NOL4: variants seen among roughly 807,000 people sequenced by gnomAD.
The protein encoded by NOL4 is nucleolar protein 4.
Under a neutral mutation model 75.9 loss-of-function variants are expected in NOL4, and 17 were observed. That is an observed-to-expected ratio of 0.22 (90% CI 0.15 to 0.34). NOL4 has a LOEUF of 0.34. Among genes scored for constraint, NOL4 ranks in the 10% least tolerant of loss-of-function variants. The pLI, the probability that NOL4 is intolerant of heterozygous loss-of-function variation, is 1.00. For synonymous variants in NOL4, 292 were observed against 289.9 expected (o/e 1.01, Z -0.07); for missense variants, 614 against 793.5 (o/e 0.77, Z 2.72).
At chr18:33,968,222 G>A (rs772711668) in intron 6 of NOL4, among the ~76,000 whole-genome samples, 1 of 152,216 alleles carries the variant, frequency 6.6e-6, no homozygotes, top group Non-Finnish European at 1.5e-5. Context: ...AAGCAGTTTG[G>A]TGATTTCTCA....
chr18:33,892,683 G>A (rs1435629178), intron 9 of NOL4, among the ~76,000 whole-genome samples: 1 of 150,580 alleles, frequency 6.6e-6, no homozygotes, highest in Admixed American at 6.6e-5. Flanking sequence ...TTTGAGATGG[G>A]GTCTTGCTCT....
rs1470830 is a variant in NOL4, at chr18:33,943,175, G to T, written c.1432C>A (p.Arg478=). ...RMKRSGFEMS[R]PIPSHLTSAV... is the part of the protein sequence containing the mutation. ...GAAGTAAGGTGGGAAGGAATAGGTC[G>T]AGACTAAAAAAAAAAAGAGAAAAGT... Residue 478 remains arginine (R), a synonymous_variant, in exon 9 of 11, where the codon CGA becomes AGA. Transcript: ENST00000261592. 6.3e-7 allele frequency: 1 copy of T among 1,597,386 alleles called. No individual in the cohort carries two copies. Among genetic ancestry groups the T allele is most frequent in the Non-Finnish European group, 8.5e-7 (1 of 1,171,724 alleles).
At chr18:34,083,886 G>C (rs2078123881) in intron 5 of NOL4, among the ~76,000 whole-genome samples, 1 of 152,202 alleles carries the variant, frequency 6.6e-6, no homozygotes, top group Non-Finnish European at 1.5e-5. Context: ...GTTTCTTTCT[G>C]TGTGGTTTTC....
At chr18:34,003,319 T>C (rs981873158) in intron 6 of NOL4, among the ~76,000 whole-genome samples, 1 of 152,096 alleles carries the variant, frequency 6.6e-6, no homozygotes, top group Non-Finnish European at 1.5e-5. Context: ...TGAGCTTTTA[T>C]AGGGTAGCAA....
intron 5 of NOL4, among the ~76,000 whole-genome samples, chr18:34,045,267 A>G (rs1442847897): frequency 3.3e-5 from 5 of 152,214 alleles, no homozygotes; most frequent in African/African-American, 1.2e-4. Context: ...GAAATTCCAT[A>G]GATTATAGGC....
intron 2 of NOL4, among the ~76,000 whole-genome samples, chr18:34,111,257 G>A (rs2079574011): frequency 6.6e-6 from 1 of 152,090 alleles, no homozygotes. Flanking sequence ...ATAATAAAGG[G>A]TTAATTTCAA....
intron 5 of NOL4, among the ~76,000 whole-genome samples, chr18:34,037,364 A>T (rs1260442763): frequency 6.6e-6 from 1 of 152,062 alleles, no homozygotes; most frequent in Non-Finnish European, 1.5e-5. Context: ...TACAAATTCA[A>T]CACAATCCCT....
At chr18:34,080,752 T>A (rs1049468293) in intron 5 of NOL4, among the ~76,000 whole-genome samples, 1 of 152,188 alleles carries the variant, frequency 6.6e-6, no homozygotes, top group Non-Finnish European at 1.5e-5. Flanking sequence ...AGAAAACACA[T>A]GTTTAACTGG....
rs117333896 is a variant in NOL4, at chr18:33,954,384, G to A, written c.1428+2942C>T. Among the ~76,000 whole-genome samples, 39 of 152,132 alleles carry A rather than the reference G, an allele frequency of 2.6e-4. No individual in the cohort carries two copies. In the East Asian group the frequency reaches 6.6e-3, roughly 26 times the overall value. ...TACACAGTGGTGAGAACCATAGTCT[G>A]GATAATCTGAATGTAAGGGACTACT... On this transcript the variant is annotated intron_variant, in intron 8 of 10. Coordinates refer to ENST00000261592, the MANE Select transcript of NOL4 (RefSeq NM_003787.5).
intron 1 of NOL4, among the ~76,000 whole-genome samples, chr18:34,207,898 A>G (rs905210962): frequency 1.3e-5 from 2 of 152,160 alleles, no homozygotes; most frequent in South Asian, 2.1e-4. Flanking sequence ...CACTGCCACC[A>G]TCACATCAGC....
chr18:34,102,887 T>C (rs1311566830), intron 4 of NOL4, among the ~76,000 whole-genome samples: 1 of 152,036 alleles, frequency 6.6e-6, no homozygotes, highest in Non-Finnish European at 1.5e-5. Flanking sequence ...TTTATTACTA[T>C]TTATTCAATT....
chr18:34,021,770 A>G (rs965487283), intron 5 of NOL4, among the ~76,000 whole-genome samples: 1 of 152,174 alleles, frequency 6.6e-6, no homozygotes, highest in Non-Finnish European at 1.5e-5. Context: ...TGGTACGACT[A>G]GTAGTAATGG....
At chr18:34,177,833 A>G (rs974594684) in intron 1 of NOL4, among the ~76,000 whole-genome samples, 1 of 151,924 alleles carries the variant, frequency 6.6e-6, no homozygotes, top group African/African-American at 2.4e-5. Flanking sequence ...TGTCACTAGC[A>G]TACTTGAACT....
chr18:33,908,235 C>A (rs922827247), intron 9 of NOL4, among the ~76,000 whole-genome samples: 1 of 152,120 alleles, frequency 6.6e-6, no homozygotes, highest in African/African-American at 2.4e-5. Flanking sequence ...TTGAAAAATA[C>A]AATTAATGTC....
intron 9 of NOL4, among the ~76,000 whole-genome samples, chr18:33,901,719 A>G (rs1401418100): frequency 6.6e-6 from 1 of 152,100 alleles, no homozygotes; most frequent in African/African-American, 2.4e-5. Flanking sequence ...TACTAAAAGT[A>G]AGAATTCTAG....
intron 5 of NOL4, among the ~76,000 whole-genome samples, chr18:34,026,864 C>G (rs8083926): frequency 0.32 from 47,870 of 151,750 alleles, 7,797 homozygotes; most frequent in African/African-American, 0.35. Context: ...TGTTGACAAA[C>G]ATAGTATTAG....
At chr18:33,978,492 T>G (rs905770885) in intron 6 of NOL4, among the ~76,000 whole-genome samples, 6 of 152,148 alleles carry the variant, frequency 3.9e-5, no homozygotes, top group African/African-American at 1.4e-4. Flanking sequence ...TACAAGAAAT[T>G]AAGCTTCCTT....
chr18:34,194,756 G>A (rs1319052950), intron 1 of NOL4, among the ~76,000 whole-genome samples: 1 of 152,046 alleles, frequency 6.6e-6, no homozygotes, highest in Non-Finnish European at 1.5e-5. Flanking sequence ...TGGGTGCGGT[G>A]GCTCACGCAT....
At chr18:33,862,048 C>T (rs558666528) in intron 10 of NOL4, among the ~76,000 whole-genome samples, 117 of 152,258 alleles carry the variant, frequency 7.7e-4, no homozygotes, top group Non-Finnish European at 1.5e-3. Context: ...ACCAAAACAG[C>T]ATGGTACTGG....
Sources: gnomAD v4.1 joint callset for allele counts (sites outside exome capture counted in the v4.1 genomes callset) on GRCh38, gnomAD v4.1.1 for gene constraint, MANE v1.5 for transcripts, NCBI Gene and HGNC (gene_info 2026-07-23, HGNC 2026-07-21) for gene names.